Variants in ZC3H12B observed in about 807,000 individuals in gnomAD.
The protein encoded by ZC3H12B is probable ribonuclease ZC3H12B.
In ZC3H12B, 7 loss-of-function variants were observed where a neutral mutation model predicts 43.9. That is an observed-to-expected ratio of 0.16 (90% CI 0.09 to 0.30). The LOEUF (loss-of-function observed/expected upper bound fraction) is 0.30. Among genes scored for constraint, ZC3H12B ranks in the 10% least tolerant of loss-of-function variants. ZC3H12B has a pLI of 1.00. For synonymous variants in ZC3H12B, 222 were observed against 241.7 expected (o/e 0.92, Z 0.76); for missense variants, 475 against 670.2 (o/e 0.71, Z 3.22).
the ZC3H12B span, among the ~76,000 whole-genome samples, chrX:65,169,633 G>C: frequency 9.0e-6 from 1 of 111,478 alleles, no homozygotes; most frequent in Non-Finnish European, 1.9e-5. Context: ...TGACAGTGGG[G>C]TGTTAAAGTC....
the ZC3H12B span, among the ~76,000 whole-genome samples, chrX:65,084,636 G>A: frequency 8.9e-6 from 1 of 112,506 alleles, no homozygotes; most frequent in South Asian, 3.7e-4. Flanking sequence ...TGAAGAAAAG[G>A]CAACCCTTGT....
At chrX:65,124,885 G>T in the ZC3H12B span, among the ~76,000 whole-genome samples, 223 of 109,909 alleles carry the variant, frequency 2.0e-3, 1 homozygote, top group African/African-American at 7.2e-3. Context: ...CTCTTTTCTT[G>T]GTTAATCTCA....
the ZC3H12B span, among the ~76,000 whole-genome samples, chrX:65,220,581 A>T: frequency 1.8e-5 from 2 of 112,118 alleles, no homozygotes; most frequent in Non-Finnish European, 3.8e-5. Flanking sequence ...AGTTTTAAGC[A>T]ACAGCAGATA....
chrX:65,478,809 C>T (rs192377474), intron 3 of ZC3H12B, among the ~76,000 whole-genome samples: 111 of 112,217 alleles, frequency 9.9e-4, no homozygotes, highest in African/African-American at 3.5e-3. Context: ...CTTCCATGAA[C>T]ACATGCACAA....
At chrX:65,294,658 A>G in the ZC3H12B span, among the ~76,000 whole-genome samples, 6 of 111,788 alleles carry the variant, frequency 5.4e-5, no homozygotes, top group Admixed American at 4.8e-4. Flanking sequence ...GTGGGAAAAG[A>G]TATTCCATGC....
chrX:65,191,717 G>A, the ZC3H12B span, among the ~76,000 whole-genome samples: 3 of 108,011 alleles, frequency 2.8e-5, no homozygotes, highest in Non-Finnish European at 5.7e-5. Flanking sequence ...CTTGCTAGCG[G>A]TCTATCAATT....
upstream of ZC3H12B, among the ~76,000 whole-genome samples, chrX:65,485,553 G>A (rs984870419): frequency 1.8e-5 from 2 of 112,555 alleles, no homozygotes; most frequent in Non-Finnish European, 3.8e-5. Context: ...ACTGTGCCCA[G>A]CCAACAACTC....
the ZC3H12B span, among the ~76,000 whole-genome samples, chrX:65,249,978 T>A: frequency 9.1e-6 from 1 of 110,455 alleles, no homozygotes; most frequent in Non-Finnish European, 1.9e-5. Flanking sequence ...AGGGTACATG[T>A]GCACAACGTG....
At chrX:65,163,885 C>T in the ZC3H12B span, among the ~76,000 whole-genome samples, 1 of 111,965 alleles carries the variant, frequency 8.9e-6, no homozygotes, top group Non-Finnish European at 1.9e-5. Context: ...GAGATGTAGA[C>T]CGTCGCTGTT....
intron 2 of ZC3H12B, among the ~76,000 whole-genome samples, chrX:65,372,512 G>GGAAA (rs911937563): frequency 4.1e-5 from 4 of 98,499 alleles, no homozygotes; most frequent in African/African-American, 1.5e-4. Flanking sequence ...AAGGAAGGAA[G>GGAAA]GAAGGAAGGA....
intron 3 of ZC3H12B, among the ~76,000 whole-genome samples, chrX:65,432,678 T>G (rs1172249966): frequency 8.9e-6 from 1 of 112,260 alleles, no homozygotes; most frequent in Admixed American, 9.5e-5. Flanking sequence ...GACATTATGC[T>G]TCTTTCTCAG....
At chrX:65,069,122 C>A in the ZC3H12B span, among the ~76,000 whole-genome samples, 1 of 109,071 alleles carries the variant, frequency 9.2e-6, no homozygotes, top group Admixed American at 9.9e-5. Context: ...TGGGTTCAAT[C>A]TGCTTGGTGT....
At chrX:65,392,780 C>T (rs995767646) in intron 2 of ZC3H12B, among the ~76,000 whole-genome samples, 22 of 112,913 alleles carry the variant, frequency 1.9e-4, no homozygotes, top group African/African-American at 5.5e-4. Flanking sequence ...GCCATGATGA[C>T]GATGGCAGTT....
chrX:65,038,844 C>T, the ZC3H12B span, among the ~76,000 whole-genome samples: 9 of 111,120 alleles, frequency 8.1e-5, no homozygotes, highest in Non-Finnish European at 1.3e-4. Context: ...TCCTTAAATA[C>T]GTAGTTTTAA....
At chrX:65,282,182 G>C in the ZC3H12B span, among the ~76,000 whole-genome samples, 1 of 111,071 alleles carries the variant, frequency 9.0e-6, no homozygotes, top group Non-Finnish European at 1.9e-5. Flanking sequence ...AGGCACAGTG[G>C]TTCACACTTG....
the ZC3H12B span, among the ~76,000 whole-genome samples, chrX:65,293,298 G>A: frequency 9.1e-6 from 1 of 110,078 alleles, no homozygotes; most frequent in Non-Finnish European, 1.9e-5. Context: ...CTAGGGGAAG[G>A]GAAAGAGCAC....
the ZC3H12B span, among the ~76,000 whole-genome samples, chrX:65,116,157 T>A: frequency 8.9e-6 from 1 of 111,838 alleles, no homozygotes; most frequent in Admixed American, 9.5e-5. Context: ...TCTGATGTTA[T>A]ATTCTAGAAT....
rs2066287043 is a variant in ZC3H12B at position 65,373,907 on chromosome X, AG to A, written n.295+4910del. On this transcript the variant is annotated intron_variant and non_coding_transcript_variant, in intron 2 of 5. Coordinates refer to the ZC3H12B transcript ENST00000617377. ...TTAAAGTATAGTAATATATATATAT[AG>A]TTATATATATATACTATATATATAG... Among the ~76,000 whole-genome samples the A allele has an allele frequency of 2.3e-3, 2 of 884 alleles. 1 individual carries two copies. The highest frequency in any genetic ancestry group is 5.2e-3 in the African/African-American group (2 of 386). 0.8% of individuals were successfully genotyped at this position (884 alleles called of 115,157 possible). A position where few individuals can be genotyped will look rare whatever the true frequency, so the allele number is the denominator to read the frequency against.
intron 2 of ZC3H12B, among the ~76,000 whole-genome samples, chrX:65,392,767 T>C (rs2066642442): frequency 8.8e-6 from 1 of 113,009 alleles, no homozygotes; most frequent in Non-Finnish European, 1.9e-5. Flanking sequence ...TCATTGAGAA[T>C]GGGCCATGAT....
Sources: allele counts gnomAD v4.1 joint callset (sites outside exome capture counted in the v4.1 genomes callset), GRCh38; gene constraint gnomAD v4.1.1; transcripts MANE v1.5; gene names NCBI Gene and HGNC (gene_info 2026-07-23, HGNC 2026-07-21).